SKAP1: variants seen among roughly 807,000 people sequenced by gnomAD.
SKAP1 encodes src kinase-associated phosphoprotein 1.
SKAP1 carries 44 observed loss-of-function variants against 58.5 expected under a neutral mutation model. That is an observed-to-expected ratio of 0.75 (90% CI 0.59 to 0.97). SKAP1 has a LOEUF of 0.97. Among genes scored for constraint, SKAP1 ranks in the 50% least tolerant of loss-of-function variants. The pLI, the probability that SKAP1 is intolerant of heterozygous loss-of-function variation, is 0.00. For missense variants in SKAP1, 390 were observed against 435.2 expected (o/e 0.90, Z 0.92); for synonymous variants, 127 against 149.7 (o/e 0.85, Z 1.11).
chr17:48,295,108 T>C (rs941735676), intron 4 of SKAP1, among the ~76,000 whole-genome samples: 8 of 152,146 alleles, frequency 5.3e-5, no homozygotes, highest in South Asian at 4.1e-4. Context: ...AAACAGAGAA[T>C]GAAACAACCT....
At chr17:48,361,165 A>G (rs913832951) in intron 3 of SKAP1, among the ~76,000 whole-genome samples, 5 of 150,646 alleles carry the variant, frequency 3.3e-5, no homozygotes, top group African/African-American at 1.2e-4. Context: ...GGTAAATTTT[A>G]TGGTATGTGA....
intron 1 of SKAP1, 142 bp from the exon 2 acceptor site, chr17:48,396,927 T>TA (rs35139298): frequency 0.078 from 27,187 of 350,582 alleles, no homozygotes; most frequent in East Asian, 0.15. Flanking sequence ...TAAAGTATAA[T>TA]AAAAAAAAAA....
chr17:48,247,195 A>G lies in SKAP1; in HGVS notation c.281-57695T>C, dbSNP rs1045895264. 1.3e-4 allele frequency among the ~76,000 whole-genome samples: 20 copies of G among 152,318 alleles called. No homozygotes were observed. The South Asian group carries it at 1.9e-3, about 14-fold the overall frequency. On this transcript the variant is annotated intron_variant, in intron 4 of 12. Transcript: ENST00000336915. ...CATTTCACTTCCAAGTATGCACACA[A>G]TTTACCAAAGAAGTAGGAGACCAAA...
At chr17:48,279,591 A>C (rs2065743112) in intron 4 of SKAP1, among the ~76,000 whole-genome samples, 1 of 152,218 alleles carries the variant, frequency 6.6e-6, no homozygotes, top group Admixed American at 6.5e-5. Flanking sequence ...AGGTTTTTTA[A>C]TGGAAAAAAA....
intron 4 of SKAP1, among the ~76,000 whole-genome samples, chr17:48,289,553 T>C (rs1466874064): frequency 6.6e-6 from 1 of 152,180 alleles, no homozygotes; most frequent in Non-Finnish European, 1.5e-5. Context: ...GGTGTTGTGT[T>C]AAACAGAAGT....
chr17:48,422,985 T>C (rs2067814141), intron 1 of SKAP1, among the ~76,000 whole-genome samples: 1 of 151,996 alleles, frequency 6.6e-6, no homozygotes, highest in Non-Finnish European at 1.5e-5. Context: ...TAAACCCAAG[T>C]ATGACAGAAT....
chr17:48,152,365 G>T (rs947692217), intron 11 of SKAP1, among the ~76,000 whole-genome samples: 2 of 152,236 alleles, frequency 1.3e-5, no homozygotes, highest in African/African-American at 4.8e-5. Context: ...GAGGTTTGGG[G>T]AGGCTGAGTT....
intron 1 of SKAP1, among the ~76,000 whole-genome samples, chr17:48,413,427 C>T (rs1163959863): frequency 6.7e-6 from 1 of 149,698 alleles, no homozygotes; most frequent in Non-Finnish European, 1.5e-5. Context: ...GGCAGGAGAA[C>T]TGCTTGAACC....
chr17:48,412,610 T>C (rs530502368), intron 1 of SKAP1, among the ~76,000 whole-genome samples: 5 of 152,320 alleles, frequency 3.3e-5, no homozygotes, highest in Admixed American at 3.3e-4. Context: ...ACTTTATTCC[T>C]GTAGATGATT....
At position 48,194,251 on chromosome 17, in the gene SKAP1, AG is replaced by A. The variant is rs570784025; in HGVS notation, c.281-4752del. On this transcript the variant is annotated intron_variant, in intron 4 of 12. Transcript: ENST00000336915. ...AACTTTCATGGCAGATGAAGATAAAAGAAATTCTCAGATATCTTTCTCTTCA... is the reference window on the plus strand; with the variant it reads ...AACTTTCATGGCAGATGAAGATAAAAAAATTCTCAGATATCTTTCTCTTCA... Among the ~76,000 whole-genome samples, 52 of 152,350 alleles carry A rather than the reference AG, an allele frequency of 3.4e-4. 1 individual carries two copies. In the South Asian group the frequency reaches 0.011, roughly 32 times the overall value.
chr17:48,179,773 A>G (rs569368910), intron 9 of SKAP1, among the ~76,000 whole-genome samples: 9 of 152,220 alleles, frequency 5.9e-5, no homozygotes, highest in Non-Finnish European at 1.2e-4. Flanking sequence ...ATAAAAACCA[A>G]CGTAAGTATT....
At chr17:48,443,921 C>T in the SKAP1 span, among the ~76,000 whole-genome samples, 1 of 151,806 alleles carries the variant, frequency 6.6e-6, no homozygotes, top group Non-Finnish European at 1.5e-5. Flanking sequence ...TAATAATCAT[C>T]AATTATTAAA....
At position 48,380,509 on chromosome 17, in the gene SKAP1, C is replaced by A. The variant is rs531715644; in HGVS notation, c.152+16171G>T. ...TCCTGATCTTAAGAATCCCTTGGACCTTTTATTGAAGCACAAATTCTCAGG... is the reference window on the plus strand; with the variant it reads ...TCCTGATCTTAAGAATCCCTTGGACATTTTATTGAAGCACAAATTCTCAGG... On this transcript the variant is annotated intron_variant, in intron 2 of 12. Coordinates refer to ENST00000336915, the MANE Select transcript of SKAP1 (RefSeq NM_003726.4). The A allele has an allele frequency of 1.7e-3, 254 of 152,248 alleles. 2 individuals are homozygous for A. Among genetic ancestry groups the A allele is most frequent in the African/African-American group, 5.8e-3 (239 of 41,558 alleles). The allele number at this position is 152,248 out of a possible 1,614,324, so 9.4% of individuals were successfully genotyped here.
chr17:48,426,250 A>G (rs1238076503), intron 1 of SKAP1, among the ~76,000 whole-genome samples: 5 of 152,252 alleles, frequency 3.3e-5, no homozygotes, highest in Admixed American at 3.3e-4. Flanking sequence ...AACTATAGGC[A>G]TATCAGAATC....
intron 2 of SKAP1, among the ~76,000 whole-genome samples, chr17:48,392,155 A>C (rs1192869359): frequency 1.3e-5 from 2 of 152,208 alleles, no homozygotes; most frequent in African/African-American, 4.8e-5. Context: ...CTTGTTTTAA[A>C]GCTAAATCCA....
intron 11 of SKAP1, among the ~76,000 whole-genome samples, chr17:48,140,823 G>A (rs1192554401): frequency 6.7e-6 from 1 of 149,690 alleles, no homozygotes; most frequent in Non-Finnish European, 1.5e-5. Context: ...CTGTTACCCA[G>A]GCTGCAGTGC....
At chr17:48,376,555 T>A (rs1036431085) in intron 2 of SKAP1, among the ~76,000 whole-genome samples, 1 of 152,208 alleles carries the variant, frequency 6.6e-6, no homozygotes, top group African/African-American at 2.4e-5. Context: ...TGAAGGCAAA[T>A]GTTATGTAAA....
intron 4 of SKAP1, among the ~76,000 whole-genome samples, chr17:48,211,278 T>G (rs1325946637): frequency 6.6e-6 from 1 of 152,042 alleles, no homozygotes; most frequent in Non-Finnish European, 1.5e-5. Context: ...CCCACCTCTA[T>G]TAAAAAAAAT....
intron 4 of SKAP1, among the ~76,000 whole-genome samples, chr17:48,270,131 T>G (rs1193313257): frequency 2.0e-5 from 3 of 152,082 alleles, no homozygotes; most frequent in Non-Finnish European, 2.9e-5. Context: ...AAAACAACTT[T>G]ATTATATTTT....
Sources: gnomAD v4.1 joint callset for allele counts (sites outside exome capture counted in the v4.1 genomes callset) on GRCh38, gnomAD v4.1.1 for gene constraint, MANE v1.5 for transcripts, NCBI Gene and HGNC (gene_info 2026-07-23, HGNC 2026-07-21) for gene names.